The following TCF4 variants were observed in gnomAD, a reference collection of about 807,000 sequenced individuals.
TCF4 encodes transcription factor 4.
TCF4 carries 3 observed loss-of-function variants against 82.1 expected under a neutral mutation model. The ratio of observed to expected loss-of-function variants is 0.04; its 90% CI spans 0.02 to 0.09. The LOEUF (loss-of-function observed/expected upper bound fraction) is 0.09. Among genes scored for constraint, TCF4 ranks in the 10% least tolerant of loss-of-function variants. The pLI is 1.00. For missense variants in TCF4, 518 were observed against 852.7 expected (o/e 0.61, Z 4.89); for synonymous variants, 276 against 309.6 (o/e 0.89, Z 1.14).
At chr18:55,306,279 T>C (rs577980946) in intron 8 of TCF4, among the ~76,000 whole-genome samples, 22 of 152,264 alleles carry the variant, frequency 1.4e-4, no homozygotes, top group African/African-American at 4.8e-4. Context: ...TGCCTTTGAA[T>C]TGCCGCCTAC....
chr18:55,582,178 T>C (rs993643655), intron 3 of TCF4, among the ~76,000 whole-genome samples: 3 of 152,138 alleles, frequency 2.0e-5, no homozygotes, highest in African/African-American at 4.8e-5. Context: ...CAATAAATTA[T>C]AGACTCTTTA....
chr18:55,530,953 ATT>A (rs553589209), intron 3 of TCF4, among the ~76,000 whole-genome samples: 2 of 143,666 alleles, frequency 1.4e-5, no homozygotes, highest in Non-Finnish European at 1.5e-5. Flanking sequence ...TTCTTTTTGC[ATT>A]TTTTTTTTTT....
chr18:55,321,518 T>C, intron 8 of TCF4: 1 of 1,151,540 alleles, frequency 8.7e-7, no homozygotes. Flanking sequence ...AAGAAGAAGA[T>C]CTTAGGATTG....
rs1568502123 is a variant in TCF4, at chr18:55,622,044, A to ATATATAATATATATACACTG, written c.286+9234_286+9253dup. 2.2e-3 allele frequency among the ~76,000 whole-genome samples: 296 copies of ATATATAATATATATACACTG among 136,438 alleles called. 1 individual carries two copies. Among genetic ancestry groups the ATATATAATATATATACACTG allele is most frequent in the Middle Eastern group, 7.4e-3 (2 of 272 alleles). 89.5% of individuals were successfully genotyped at this position (136,438 alleles called of 152,430 possible). ...ATACACTATATATTATATATACACT[A>ATATATAATATATATACACTG]TATATAATATATATACACTGTATAT... On this transcript the variant is annotated intron_variant, in intron 2 of 20. Coordinates refer to the TCF4 transcript ENST00000398339.
At chr18:55,313,747 T>A (rs2073275638) in intron 8 of TCF4, among the ~76,000 whole-genome samples, 1 of 152,104 alleles carries the variant, frequency 6.6e-6, no homozygotes, top group Non-Finnish European at 1.5e-5. Context: ...TGATATTGCA[T>A]GATTAATACA....
chr18:55,559,262 A>C (rs1439553912), intron 3 of TCF4, among the ~76,000 whole-genome samples: 1 of 151,924 alleles, frequency 6.6e-6, no homozygotes, highest in Non-Finnish European at 1.5e-5. Context: ...TATGCCTTTT[A>C]AGACTGCTAT....
chr18:55,488,335 A>G (rs901431196), intron 3 of TCF4, among the ~76,000 whole-genome samples: 18 of 152,218 alleles, frequency 1.2e-4, no homozygotes, highest in African/African-American at 4.3e-4. Context: ...TACATTTTAA[A>G]ACATACCATA....
At chr18:55,635,823 A>T (rs1568514045) in exon 1 of TCF4, 10 of 1,558,328 alleles carry the variant, frequency 6.4e-6, no homozygotes, top group Non-Finnish European at 8.7e-6. Context: ...TCTTTGAGTA[A>T]TTTGTCAAAA....
At chr18:55,474,837 C>T (rs534822095) in intron 3 of TCF4, among the ~76,000 whole-genome samples, 56 of 152,078 alleles carry the variant, frequency 3.7e-4, no homozygotes, top group Non-Finnish European at 6.3e-4. Context: ...TCCAGTGGCA[C>T]AAACACAGCT....
At chr18:55,507,510 T>C (rs1419946262) in intron 3 of TCF4, among the ~76,000 whole-genome samples, 1 of 148,614 alleles carries the variant, frequency 6.7e-6, no homozygotes, top group Non-Finnish European at 1.5e-5. Flanking sequence ...CCACAGCTGA[T>C]GGACAGTAAC....
chr18:55,288,026 A>G (rs527394449), intron 8 of TCF4, among the ~76,000 whole-genome samples: 1 of 152,308 alleles, frequency 6.6e-6, no homozygotes, highest in South Asian at 2.1e-4. Context: ...TTACAAATTA[A>G]ATCTGCAGAG....
intron 3 of TCF4, among the ~76,000 whole-genome samples, chr18:55,581,831 G>A (rs188163071): frequency 1.2e-3 from 185 of 152,116 alleles, no homozygotes; most frequent in African/African-American, 4.3e-3. Context: ...GTGTTTTAAC[G>A]CTGCTCTTAA....
chr18:55,355,959 C>A (rs1018255794), intron 6 of TCF4, among the ~76,000 whole-genome samples: 6 of 152,048 alleles, frequency 3.9e-5, no homozygotes, highest in African/African-American at 9.7e-5. Flanking sequence ...TCTGGTTGAA[C>A]CTTAGCTCAA....
intron 15 of TCF4, among the ~76,000 whole-genome samples, chr18:55,240,649 G>A (rs1184296496): frequency 1.3e-5 from 2 of 152,204 alleles, no homozygotes; most frequent in African/African-American, 4.8e-5. Flanking sequence ...TAGAGGCACA[G>A]AGGCTCTGCA....
chr18:55,278,743 T>C (rs1018622623), intron 9 of TCF4, among the ~76,000 whole-genome samples: 1 of 151,944 alleles, frequency 6.6e-6, no homozygotes, highest in African/African-American at 2.4e-5. Flanking sequence ...TAATTTTTTG[T>C]ATTTTTAGTA....
At chr18:55,564,699 T>C (rs1261782236) in intron 3 of TCF4, among the ~76,000 whole-genome samples, 2 of 152,174 alleles carry the variant, frequency 1.3e-5, no homozygotes, top group Non-Finnish European at 2.9e-5. Flanking sequence ...GACTCTGAGA[T>C]GCACAGATCA....
chr18:55,589,985 G>C (rs975235599), upstream of TCF4: 1 of 232,040 alleles, frequency 4.3e-6, no homozygotes, highest in Non-Finnish European at 7.1e-6. Context: ...GGTAGGCGTC[G>C]CGCGTGGGGC....
intron 8 of TCF4, among the ~76,000 whole-genome samples, chr18:55,287,693 C>G (rs1446755341): frequency 6.6e-6 from 1 of 152,158 alleles, no homozygotes; most frequent in African/African-American, 2.4e-5. Flanking sequence ...AGCAAAGGCA[C>G]AGTAAAAAAA....
At chr18:55,235,315 G>C (rs1486698080) in intron 15 of TCF4, among the ~76,000 whole-genome samples, 1 of 152,016 alleles carries the variant, frequency 6.6e-6, no homozygotes, top group Admixed American at 6.5e-5. Flanking sequence ...CAAATCCAAA[G>C]GGGGATGGTT....
Sources: allele counts gnomAD v4.1 joint callset (sites outside exome capture counted in the v4.1 genomes callset), GRCh38; gene constraint gnomAD v4.1.1; transcripts MANE v1.5; gene names NCBI Gene and HGNC (gene_info 2026-07-23, HGNC 2026-07-21).